Variants in NUGGC observed in about 807,000 individuals in gnomAD.
The protein encoded by NUGGC is nuclear GTPase, germinal center associated, also known as nuclear GTPase SLIP-GC.
A neutral mutation model predicts 92.6 loss-of-function variants in NUGGC; 58 were observed. The ratio of observed to expected loss-of-function variants is 0.63; its 90% CI spans 0.51 to 0.78. The LOEUF (loss-of-function observed/expected upper bound fraction) is 0.78. NUGGC is among the 30% of genes least tolerant of loss of function. The pLI is 0.00. For synonymous variants in NUGGC, 376 were observed against 366.4 expected (o/e 1.03, Z -0.30); for missense variants, 925 against 964.6 (o/e 0.96, Z 0.54).
rs17058498 is a variant in NUGGC at position 28,039,002 on chromosome 8, G to A, written c.1611+2049C>T. Reference sequence around the variant, plus strand: ...ATTTGCTGACTGAATGCACGCATGCGTACATACTACACACATGGATACTTG... The same window carrying A: ...ATTTGCTGACTGAATGCACGCATGCATACATACTACACACATGGATACTTG... On this transcript the variant is annotated intron_variant, in intron 13 of 18. Coordinates refer to ENST00000413272, the MANE Select transcript of NUGGC (RefSeq NM_001010906.2). Among the ~76,000 whole-genome samples the A allele has an allele frequency of 8.8e-3, 1,342 of 152,164 alleles. 16 individuals carry two copies. The highest frequency in any genetic ancestry group is 0.03 in the African/African-American group (1,250 of 41,504).
At chr8:28,051,933 AC>A (rs1484404750) in intron 10 of NUGGC, among the ~76,000 whole-genome samples, 2 of 151,784 alleles carry the variant, frequency 1.3e-5, no homozygotes, top group Admixed American at 6.6e-5. Flanking sequence ...ACAAAACAAA[AC>A]AAAAACAAAA....
chr8:28,046,645 G>C (rs1344708091), intron 11 of NUGGC, among the ~76,000 whole-genome samples: 2 of 151,824 alleles, frequency 1.3e-5, no homozygotes, highest in African/African-American at 4.8e-5. Flanking sequence ...AATGCCTGAA[G>C]CTGGGTGGGA....
At chr8:28,054,343 A>AT (rs1372524823) in intron 10 of NUGGC, among the ~76,000 whole-genome samples, 4 of 152,220 alleles carry the variant, frequency 2.6e-5, no homozygotes, top group Non-Finnish European at 4.4e-5. Context: ...TTAGCTGGGC[A>AT]TAGTGGCAGG....
Position 28,023,016 on chromosome 8 carries a change from G to A in NUGGC, c.*301C>T, listed in dbSNP as rs570127452. 2.8e-4 allele frequency: 58 copies of A among 204,482 alleles called. No homozygotes were observed. The highest frequency in any genetic ancestry group is 4.5e-4 in the South Asian group (3 of 6,668). The allele number at this position is 204,482 out of a possible 1,614,324, so 12.7% of individuals were successfully genotyped here. On this transcript the variant is annotated 3_prime_UTR_variant, in exon 19 of 19. Coordinates refer to ENST00000413272, the MANE Select transcript of NUGGC (RefSeq NM_001010906.2). ...ACCCAGGAGGTGGAGGTTGCAGTGAGCCGAGATTGCACCACTGCATTCCAG... is the reference window on the plus strand; with the variant it reads ...ACCCAGGAGGTGGAGGTTGCAGTGAACCGAGATTGCACCACTGCATTCCAG...
At chr8:28,076,767 G>A (rs919387116) in intron 1 of NUGGC, among the ~76,000 whole-genome samples, 18 of 152,316 alleles carry the variant, frequency 1.2e-4, no homozygotes, top group African/African-American at 4.3e-4. Flanking sequence ...GAAGATGGGG[G>A]CAGGGGCCTT....
chr8:28,025,109 G>T (rs995385802), intron 18 of NUGGC, among the ~76,000 whole-genome samples: 10 of 152,194 alleles, frequency 6.6e-5, no homozygotes, highest in African/African-American at 2.2e-4. Flanking sequence ...GGGGACTCTT[G>T]CCTGTATTGG....
At chr8:28,040,054 G>T (rs1175395336) in intron 13 of NUGGC, among the ~76,000 whole-genome samples, 1 of 151,902 alleles carries the variant, frequency 6.6e-6, no homozygotes, top group Non-Finnish European at 1.5e-5. Context: ...TTCTCCAGAA[G>T]AGGAGAGAGG....
At chr8:28,064,967 T>C (rs2130235987) in intron 6 of NUGGC, among the ~76,000 whole-genome samples, 1 of 152,274 alleles carries the variant, frequency 6.6e-6, no homozygotes, top group Admixed American at 6.5e-5. Flanking sequence ...TCAGCTAAAA[T>C]GGGACTTTAG....
intron 1 of NUGGC, among the ~76,000 whole-genome samples, chr8:28,082,832 G>A (rs903844472): frequency 2.0e-5 from 3 of 152,140 alleles, no homozygotes; most frequent in African/African-American, 7.2e-5. Context: ...CTTGAGCCCA[G>A]AAGGTGAAGA....
At position 28,074,473 on chromosome 8, in the gene NUGGC, C is replaced by A. The variant is rs1810670973; in HGVS notation, c.-46-17G>T. On this transcript the variant is annotated splice_polypyrimidine_tract_variant and intron_variant, in intron 1 of 18. Transcript: ENST00000413272. ...AGAACCAGCCTGTGAAGACAAAGTACAAAGACAGGTGGGGCAGCGGAATTT... is the reference window on the plus strand; with the variant it reads ...AGAACCAGCCTGTGAAGACAAAGTAAAAAGACAGGTGGGGCAGCGGAATTT... 7.0e-6 allele frequency: 11 copies of A among 1,573,140 alleles called. No homozygotes were observed. Among genetic ancestry groups the A allele is most frequent in the Non-Finnish European group, 9.6e-6 (11 of 1,145,660 alleles).
chr8:28,067,079 C>T (rs1194968728), intron 6 of NUGGC, among the ~76,000 whole-genome samples: 1 of 152,212 alleles, frequency 6.6e-6, no homozygotes, highest in African/African-American at 2.4e-5. Context: ...CGGGAGCCAT[C>T]TCATGACAAT....
chr8:28,023,124 G>C lies in NUGGC; in HGVS notation c.*193C>G, dbSNP rs1193271181. 1 of 548,156 alleles carries C rather than the reference G, an allele frequency of 1.8e-6. No individual in the cohort carries two copies. Among genetic ancestry groups the C allele is most frequent in the African/African-American group, 1.9e-5 (1 of 52,354 alleles). The allele number at this position is 548,156 out of a possible 1,614,324, so 34.0% of individuals were successfully genotyped here. On this transcript the variant is annotated 3_prime_UTR_variant, in exon 19 of 19. Transcript: ENST00000413272. ...GTGGTGGCCTGTACCTGTAGCCCCA[G>C]CTGCTCTGGAGGCTGAGGCTGGAGG... is the stretch of plus-strand genomic sequence containing the variant.
intron 12 of NUGGC, among the ~76,000 whole-genome samples, chr8:28,044,692 C>T (rs1239988833): frequency 1.3e-5 from 2 of 152,204 alleles, no homozygotes; most frequent in African/African-American, 2.4e-5. Context: ...AGTTTGACTT[C>T]CTGAAGTCTG....
intron 8 of NUGGC, among the ~76,000 whole-genome samples, chr8:28,058,672 G>T (rs1003569854): frequency 3.3e-5 from 5 of 151,908 alleles, no homozygotes; most frequent in Non-Finnish European, 7.4e-5. Context: ...TTCAATAAAT[G>T]CTTATCATTA....
chr8:28,026,139 C>T (rs1290678294), intron 18 of NUGGC, among the ~76,000 whole-genome samples: 1 of 152,166 alleles, frequency 6.6e-6, no homozygotes. Flanking sequence ...GTTACACAGT[C>T]CTCCACTCCT....
intron 6 of NUGGC, among the ~76,000 whole-genome samples, chr8:28,066,370 T>G (rs1348716267): frequency 6.6e-6 from 1 of 152,228 alleles, no homozygotes; most frequent in Admixed American, 6.5e-5. Context: ...TTTTTAAGTG[T>G]GCCTAGTCAA....
chr8:28,058,753 A>C (rs1810215786), intron 8 of NUGGC, among the ~76,000 whole-genome samples: 1 of 150,984 alleles, frequency 6.6e-6, no homozygotes. Flanking sequence ...CCCAGGCTGG[A>C]GTGCAGTGGT....
chr8:28,046,195 TC>T (rs1809829210), intron 11 of NUGGC, among the ~76,000 whole-genome samples: 1 of 152,098 alleles, frequency 6.6e-6, no homozygotes, highest in South Asian at 2.1e-4. Context: ...TCCCCATTAT[TC>T]CCATATGTGT....
At chr8:28,042,170 C>G (rs1809717526) in intron 12 of NUGGC, among the ~76,000 whole-genome samples, 1 of 152,124 alleles carries the variant, frequency 6.6e-6, no homozygotes. Context: ...TCCATTAAAC[C>G]TCATTTTCTC....
Sources: allele counts gnomAD v4.1 joint callset (sites outside exome capture counted in the v4.1 genomes callset), GRCh38; gene constraint gnomAD v4.1.1; transcripts MANE v1.5; gene names NCBI Gene and HGNC (gene_info 2026-07-23, HGNC 2026-07-21).